The following FAM217A variants were observed in gnomAD, a reference collection of about 807,000 sequenced individuals.
FAM217A encodes family with sequence similarity 217 member A, also known as protein FAM217A.
FAM217A carries 13 observed loss-of-function variants against 18.5 expected under a neutral mutation model. The ratio of observed to expected loss-of-function variants is 0.70; its 90% confidence interval spans 0.46 to 1.12. The LOEUF is 1.12. FAM217A is among the 50% of genes most tolerant of loss of function. FAM217A has a pLI of 0.00. For synonymous variants in FAM217A, 161 were observed against 202.8 expected (o/e 0.79, Z 1.75); for missense variants, 560 against 575.4 (o/e 0.97, Z 0.27).
upstream of FAM217A, chr6:4,087,254 T>C (rs951690552): frequency 3.4e-6 from 4 of 1,166,690 alleles, no homozygotes; most frequent in South Asian, 8.7e-5. Flanking sequence ...AAATGGTCCA[T>C]GTCCAGACGC....
chr6:4,071,614 T>A (rs1769421096), intron 6 of FAM217A, among the ~76,000 whole-genome samples: 1 of 152,234 alleles, frequency 6.6e-6, no homozygotes, highest in Non-Finnish European at 1.5e-5. Flanking sequence ...CCTCTGCTAC[T>A]GTCATAAAAT....
chr6:4,084,306 G>C (rs1324518472), intron 2 of FAM217A, among the ~76,000 whole-genome samples: 1 of 152,200 alleles, frequency 6.6e-6, no homozygotes, highest in African/African-American at 2.4e-5. Context: ...ACGTGTGATA[G>C]TGATGTATAT....
chr6:4,084,993 A>AAC (rs1253190203), intron 1 of FAM217A, among the ~76,000 whole-genome samples: 1 of 152,350 alleles, frequency 6.6e-6, no homozygotes, highest in East Asian at 1.9e-4. Flanking sequence ...AACAAGAAAA[A>AAC]ACTTGCGAGA....
At chr6:4,074,491 A>G (rs773773485) in intron 3 of FAM217A, 35 bp from the exon 4 acceptor site, 1 of 1,579,890 alleles carries the variant, frequency 6.3e-7, no homozygotes, top group South Asian at 1.1e-5. Context: ...ATTAATAGTT[A>G]CATAAAACTG....
At position 4,077,360 on chromosome 6, in the gene FAM217A, G is replaced by A; in HGVS notation, c.55C>T (p.Gln19Ter). 6.2e-7 allele frequency: 1 copy of A among 1,614,158 alleles called. No homozygotes were observed. The highest frequency in any genetic ancestry group is 8.5e-7 in the Non-Finnish European group (1 of 1,179,994). The change falls in exon 2 of 7, where the codon CAG becomes TAG. Residue 19 changes from glutamine (Q) to a stop codon, truncating the protein, a stop_gained. Coordinates refer to ENST00000274673, the MANE Select transcript of FAM217A (RefSeq NM_173563.3). LOFTEE classifies it high-confidence loss of function. ...ANSLRVSNIS[Q>*]ENLSHWNLDS... ...TTCAACAGCGCCTGCCATACCTCCT[G>A]AGAGATGTTTGACACACGTAGGCTG... is the stretch of plus-strand genomic sequence containing the variant.
At chr6:4,086,463 A>C (rs1392310695) in intron 1 of FAM217A, among the ~76,000 whole-genome samples, 2 of 152,124 alleles carry the variant, frequency 1.3e-5, no homozygotes, top group East Asian at 3.9e-4. Context: ...AAAAAAAAAA[A>C]AAAAAAAATC....
intron 1 of FAM217A, among the ~76,000 whole-genome samples, chr6:4,077,876 A>C (rs1769942703): frequency 6.6e-6 from 1 of 152,154 alleles, no homozygotes; most frequent in Admixed American, 6.5e-5. Flanking sequence ...CACCCCGTGC[A>C]TATTTCGGAG....
chr6:4,075,674 A>G (rs1446964501), intron 2 of FAM217A, among the ~76,000 whole-genome samples: 1 of 152,214 alleles, frequency 6.6e-6, no homozygotes, highest in African/African-American at 2.4e-5. Flanking sequence ...TTTAGGAATG[A>G]ACCCAATTGT....
In FAM217A at chr6:4,084,917, A is replaced by G. The variant is rs185666565; in HGVS notation, c.19-107T>C. On this transcript the variant is annotated intron_variant, in intron 1 of 8. Coordinates refer to the FAM217A transcript ENST00000639338. The stretch of plus-strand genomic sequence containing the variant: ...ATGCAGCTGCTGCGCTGCGGGATCA[A>G]TTTTAGTTAATAATACACTGCTGGC... 6.7e-4 allele frequency: 426 copies of G among 633,332 alleles called. 2 individuals carry two copies. The highest frequency in any genetic ancestry group is 6.4e-3 in the African/African-American group (349 of 54,944). 39.2% of individuals were successfully genotyped at this position (633,332 alleles called of 1,614,324 possible).
chr6:4,069,787 G>C lies in FAM217A; in HGVS notation c.436C>G (p.Pro146Ala). The C allele has an allele frequency of 6.2e-7, 1 of 1,614,158 alleles. No homozygotes were observed. The highest frequency in any genetic ancestry group is 8.5e-7 in the Non-Finnish European group (1 of 1,180,018). ...QVGPYPGLPM[P>A]LGLCWPYADG... ...GCATAGGGCCAGCAGAGACCTAATG[G>C]CATTGGCAGTCCAGGGTAAGGACCA... Residue 146 changes from proline (P) to alanine (A), a missense_variant, in exon 7 of 7, where the codon CCA becomes GCA. By Grantham distance (27) the Pro-to-Ala change is conservative. Transcript: ENST00000274673.
chr6:4,077,313 A>G, intron 2 of FAM217A, 42 bp downstream of exon 2: 1 of 1,605,598 alleles, frequency 6.2e-7, no homozygotes. Flanking sequence ...TAGCAACAGG[A>G]GCCGCTGCCC....
chr6:4,083,405 C>G (rs1200049540), upstream of FAM217A, among the ~76,000 whole-genome samples: 1 of 152,224 alleles, frequency 6.6e-6, no homozygotes, highest in East Asian at 1.9e-4. Flanking sequence ...GAAAAGCCTT[C>G]TATTTCAGTC....
At chr6:4,087,157 A>G (rs577252238), upstream of FAM217A, 39 of 452,544 alleles carry the variant, frequency 8.6e-5, 1 homozygote, top group South Asian at 4.1e-3. Context: ...CAAGGCTTCT[A>G]CAAAGTACCA....
intron 2 of FAM217A, among the ~76,000 whole-genome samples, 185 bp from the exon 3 acceptor site, chr6:4,074,846 C>T (rs746811428): frequency 6.6e-6 from 1 of 152,152 alleles, no homozygotes; most frequent in Non-Finnish European, 1.5e-5. Flanking sequence ...AAGCCCTTAT[C>T]AGTTTGATAA....
intron 3 of FAM217A, 36 bp downstream of exon 3, chr6:4,074,541 C>A: frequency 6.3e-7 from 1 of 1,579,800 alleles, no homozygotes; most frequent in South Asian, 1.1e-5. Flanking sequence ...ATGAGTGATT[C>A]TTTCAGTATA....
intron 2 of FAM217A, among the ~76,000 whole-genome samples, chr6:4,077,149 G>A (rs1003555492): frequency 1.3e-5 from 2 of 152,214 alleles, no homozygotes; most frequent in African/African-American, 4.8e-5. Flanking sequence ...TTTGACATTT[G>A]GAGAAGAGCT....
Position 4,069,395 on chromosome 6 carries a change from C to T in FAM217A, c.828G>A (p.Val276=), listed in dbSNP as rs755736313. 7 of 1,614,014 alleles carry T rather than the reference C, an allele frequency of 4.3e-6. No homozygotes were observed. The East Asian group carries it at 1.6e-4, about 36-fold the overall frequency. The change falls in exon 7 of 7, where the codon GTG becomes GTA. Residue 276 remains valine, a synonymous_variant. Transcript: ENST00000274673. ...LSKSDNWKVT[V]DPAETSVEHL... Reference sequence around the variant, plus strand: ...GTTCAACAGAGGTTTCTGCAGGGTCCACTGTCACTTTCCAATTGTCAGATT... The same window carrying T: ...GTTCAACAGAGGTTTCTGCAGGGTCTACTGTCACTTTCCAATTGTCAGATT...
At chr6:4,079,992 A>G (rs1770172537), upstream of FAM217A, among the ~76,000 whole-genome samples, 1 of 152,112 alleles carries the variant, frequency 6.6e-6, no homozygotes, top group South Asian at 2.1e-4. Flanking sequence ...AGTTAGATAT[A>G]TCTGCATAGC....
chr6:4,081,311 TTTA>T (rs869275091), upstream of FAM217A, among the ~76,000 whole-genome samples: 33 of 152,170 alleles, frequency 2.2e-4, no homozygotes, highest in African/African-American at 8.0e-4. Flanking sequence ...TTTTTATTTA[TTTA>T]TTTTTTTGAG....
Sources: allele counts gnomAD v4.1 joint callset (sites outside exome capture counted in the v4.1 genomes callset), GRCh38; gene constraint gnomAD v4.1.1; transcripts MANE v1.5; gene names NCBI Gene and HGNC (gene_info 2026-07-23, HGNC 2026-07-21).